Variants in CSNK1G2 observed in about 807,000 individuals in gnomAD.
CSNK1G2 encodes casein kinase I isoform gamma-2.
CSNK1G2 carries 11 observed loss-of-function variants against 48.0 expected under a neutral mutation model. The observed-to-expected ratio is 0.23, with a 90% CI of 0.14 to 0.38. The LOEUF is 0.38. Ranked by LOEUF, CSNK1G2 falls within the 10% of genes least tolerant of loss-of-function variation. CSNK1G2 has a pLI of 1.00. For synonymous variants in CSNK1G2, 337 were observed against 254.1 expected (o/e 1.33, Z -3.10); for missense variants, 446 against 595.5 (o/e 0.75, Z 2.61).
intron 2 of CSNK1G2, among the ~76,000 whole-genome samples, chr19:1,973,891 T>C (rs1481735804): frequency 6.6e-6 from 1 of 152,064 alleles, no homozygotes; most frequent in Non-Finnish European, 1.5e-5. Flanking sequence ...TTTTATTTAT[T>C]ATTTATTATT....
chr19:1,955,390 C>G (rs1205999251), intron 1 of CSNK1G2, among the ~76,000 whole-genome samples: 5 of 151,932 alleles, frequency 3.3e-5, no homozygotes, highest in Non-Finnish European at 7.4e-5. Context: ...TAGCGGCCAC[C>G]GTGGGCGGCA....
At position 1,979,476 on chromosome 19, in the gene CSNK1G2, G is replaced by T. The variant is rs553073752; in HGVS notation, c.854-19G>T. 17 of 1,305,782 alleles carry T rather than the reference G, an allele frequency of 1.3e-5. No individual in the cohort carries two copies. The highest frequency in any genetic ancestry group is 2.7e-5 in the South Asian group (2 of 73,088). 80.9% of individuals were successfully genotyped at this position (1,305,782 alleles called of 1,614,324 possible). Reference sequence around the variant, plus strand: ...CCACCCCCACCCCCGCCGAGGCCCCGCTGGCGCTCTCTCTGCAGAGGAGAT... The same window carrying T: ...CCACCCCCACCCCCGCCGAGGCCCCTCTGGCGCTCTCTCTGCAGAGGAGAT... On this transcript the variant is annotated intron_variant, in intron 8 of 11. Coordinates refer to ENST00000255641, the MANE Select transcript of CSNK1G2 (RefSeq NM_001319.7).
intron 1 of CSNK1G2, among the ~76,000 whole-genome samples, chr19:1,959,886 C>T (rs150543230): frequency 0.019 from 2,846 of 148,478 alleles, 331 homozygotes; most frequent in African/African-American, 0.069. Flanking sequence ...CCCCAGCACC[C>T]GCCCCACCTT....
chr19:1,972,061 G>A (rs895203901), intron 2 of CSNK1G2, among the ~76,000 whole-genome samples: 3 of 152,188 alleles, frequency 2.0e-5, no homozygotes, highest in Non-Finnish European at 2.9e-5. Flanking sequence ...GAGCCACTGC[G>A]CCCGGCCTGG....
In CSNK1G2 at chr19:1,979,367, G is replaced by A. The variant is rs760867567; in HGVS notation, c.817G>A (p.Ala273Thr). ...RYQKIGDTKR[A>T]TPIEVLCENF... The stretch of plus-strand genomic sequence containing the variant: ...CCAGAAGATCGGGGACACCAAACGC[G>A]CCACGCCCATCGAGGTGCTCTGCGA... The change falls in exon 8 of 12, where the codon GCC becomes ACC. Residue 273 changes from alanine to threonine, a missense_variant. Coordinates refer to ENST00000255641, the MANE Select transcript of CSNK1G2 (RefSeq NM_001319.7). The A allele has an allele frequency of 3.1e-6, 5 of 1,604,294 alleles. No individual in the cohort carries two copies. The highest frequency in any genetic ancestry group is 2.7e-5 in the African/African-American group (2 of 74,774).
intron 2 of CSNK1G2, among the ~76,000 whole-genome samples, chr19:1,973,749 G>A (rs937615189): frequency 7.2e-5 from 11 of 152,112 alleles, no homozygotes; most frequent in Non-Finnish European, 5.9e-5. Flanking sequence ...TTGTCCATTC[G>A]CTCTCAGCTG....
intron 1 of CSNK1G2, among the ~76,000 whole-genome samples, chr19:1,944,692 C>T (rs1271638972): frequency 1.1e-5 from 1 of 87,486 alleles, no homozygotes; most frequent in Non-Finnish European, 2.6e-5. Flanking sequence ...ACTGGCCTGG[C>T]TGGGTGGGGG....
At chr19:1,963,052 A>ATGAGACACTCCAGGCTCAG (rs1365357283) in intron 1 of CSNK1G2, among the ~76,000 whole-genome samples, 2 of 152,074 alleles carry the variant, frequency 1.3e-5, no homozygotes, top group African/African-American at 4.8e-5. Context: ...GCCAGGCTCA[A>ATGAGACACTCCAGGCTCAG]TGAGACACTC....
Position 1,980,362 on chromosome 19 carries a change from A to G in CSNK1G2, c.*159A>G. ...GGCCGCGCCTGGCTCAGGCGGCCCC[A>G]CCCCCGGGACGTGGGGTCACTTCCT... On this transcript the variant is annotated 3_prime_UTR_variant, in exon 12 of 12. Coordinates refer to ENST00000255641, the MANE Select transcript of CSNK1G2 (RefSeq NM_001319.7). 1.2e-6 allele frequency: 1 copy of G among 840,646 alleles called. No individual in the cohort carries two copies. The highest frequency in any genetic ancestry group is 1.9e-6 in the Non-Finnish European group (1 of 519,286). 52.1% of individuals were successfully genotyped at this position (840,646 alleles called of 1,614,324 possible). A position where few individuals can be genotyped will look rare whatever the true frequency, so the allele number is the denominator to read the frequency against.
intron 1 of CSNK1G2, among the ~76,000 whole-genome samples, chr19:1,943,960 G>T (rs755123316): frequency 1.3e-5 from 2 of 152,164 alleles, no homozygotes; most frequent in Non-Finnish European, 2.9e-5. Flanking sequence ...CAGGGGCTGC[G>T]GGCCTCGGGT....
intron 1 of CSNK1G2, among the ~76,000 whole-genome samples, chr19:1,945,682 C>T (rs541615462): frequency 1.4e-4 from 22 of 152,270 alleles, no homozygotes; most frequent in Admixed American, 7.2e-4. Context: ...ATTAGCCGGG[C>T]GTGGTGGCGT....
chr19:1,966,504 C>T (rs1194987105), intron 1 of CSNK1G2, among the ~76,000 whole-genome samples: 2 of 152,106 alleles, frequency 1.3e-5, no homozygotes, highest in Admixed American at 6.6e-5. Context: ...CGCTCTAGTC[C>T]CAGTGAAGAT....
intron 1 of CSNK1G2, among the ~76,000 whole-genome samples, chr19:1,950,672 G>A (rs1182470124): frequency 2.8e-5 from 4 of 145,300 alleles, no homozygotes; most frequent in Admixed American, 6.9e-5. Flanking sequence ...GGGCTGGCCC[G>A]GCCTAAATCT....
At chr19:1,964,618 C>T (rs974199935) in intron 1 of CSNK1G2, among the ~76,000 whole-genome samples, 3 of 152,058 alleles carry the variant, frequency 2.0e-5, no homozygotes, top group African/African-American at 4.8e-5. Context: ...ACTCTGTGCT[C>T]TATAAATAGA....
chr19:1,954,747 G>C (rs575725909), intron 1 of CSNK1G2: 16 of 152,526 alleles, frequency 1.0e-4, no homozygotes, highest in Admixed American at 3.3e-4. Flanking sequence ...TGGGGAAGGG[G>C]ATGGGAGCTG....
intron 1 of CSNK1G2, among the ~76,000 whole-genome samples, chr19:1,958,158 T>C (rs1359918158): frequency 6.6e-6 from 1 of 151,756 alleles, no homozygotes; most frequent in African/African-American, 2.4e-5. Context: ...ACCTGCCTGC[T>C]CTGCCTGGAA....
chr19:1,974,983 G>T (rs542195862), intron 2 of CSNK1G2: 1 of 857,252 alleles, frequency 1.2e-6, no homozygotes, highest in East Asian at 1.2e-4. Context: ...CAGAGCGCCC[G>T]ACCTCCTCCA....
At chr19:1,944,569 C>T (rs1334336002) in intron 1 of CSNK1G2, among the ~76,000 whole-genome samples, 3 of 152,182 alleles carry the variant, frequency 2.0e-5, no homozygotes, top group East Asian at 3.9e-4. Flanking sequence ...GGCCAGGGGA[C>T]GGGCCTCACC....
At chr19:1,972,968 C>T (rs1387170418) in intron 2 of CSNK1G2, among the ~76,000 whole-genome samples, 3 of 148,264 alleles carry the variant, frequency 2.0e-5, no homozygotes, top group Non-Finnish European at 4.5e-5. Context: ...CGCTCTGTCA[C>T]CCAGGCTGGA....
Sources: gnomAD v4.1 joint callset for allele counts (sites outside exome capture counted in the v4.1 genomes callset) on GRCh38, gnomAD v4.1.1 for gene constraint, MANE v1.5 for transcripts, NCBI Gene and HGNC (gene_info 2026-07-23, HGNC 2026-07-21) for gene names.